KYNU: variants seen among roughly 807,000 people sequenced by gnomAD.
KYNU encodes L-kynurenine hydrolase.
Under a neutral mutation model 59.2 loss-of-function variants are expected in KYNU, and 54 were observed. The ratio of observed to expected loss-of-function variants is 0.91; its 90% confidence interval spans 0.73 to 1.14. The LOEUF (loss-of-function observed/expected upper bound fraction) is 1.14. Among genes scored for constraint, KYNU ranks in the 50% most tolerant of loss-of-function variants. The pLI, the probability that KYNU is intolerant of heterozygous loss-of-function variation, is 0.00. For synonymous variants in KYNU, 177 were observed against 192.0 expected, an observed-to-expected ratio of 0.92 and a Z score of 0.65; for missense variants, 567 against 554.4, an observed-to-expected ratio of 1.02 and a Z score of -0.23.
chr2:142,918,654 T>C lies in KYNU; in HGVS notation c.215T>C (p.Leu72Ser), dbSNP rs2104992247. The C allele has an allele frequency of 2.5e-6, 4 of 1,611,578 alleles. No homozygotes were observed. Among genetic ancestry groups the C allele is most frequent in the Non-Finnish European group, 1.7e-6 (2 of 1,178,864 alleles). Residue 72 changes from leucine (L) to serine (S), a missense_variant, in exon 3 of 14, where the codon TTG becomes TCG. Transcript: ENST00000264170. ...AAAGATGAAAATGCCATCTATTTCT[T>C]GGGAAATTCTCTTGGCCTTCAACCA... ...VNKDENAIYF[L>S]GNSLGLQPKM...
intron 8 of KYNU, among the ~76,000 whole-genome samples, chr2:142,974,294 GAGA>G (rs1553484280): frequency 6.6e-6 from 1 of 152,218 alleles, no homozygotes; most frequent in Non-Finnish European, 1.5e-5. Context: ...TGGTGCAAGA[GAGA>G]AGGAGCAGGT....
At chr2:142,985,907 ATT>A in intron 9 of KYNU, 39 bp from the exon 10 acceptor site, 1 of 1,355,816 alleles carries the variant, frequency 7.4e-7, no homozygotes, top group East Asian at 2.4e-5. Flanking sequence ...TTTGTCATAT[ATT>A]TAAGTAAACC....
At chr2:143,033,093 A>G in intron 11 of KYNU, 143 bp from the exon 12 acceptor site, 1 of 716,172 alleles carries the variant, frequency 1.4e-6, no homozygotes, top group South Asian at 1.6e-5. Flanking sequence ...TTTTAGTTCC[A>G]TGGAGCTTAT....
At chr2:142,958,909 T>C (rs904991751) in intron 7 of KYNU, among the ~76,000 whole-genome samples, 3 of 152,180 alleles carry the variant, frequency 2.0e-5, no homozygotes, top group African/African-American at 7.2e-5. Context: ...ATTAGATTGT[T>C]TTAAGAATAA....
intron 3 of KYNU, among the ~76,000 whole-genome samples, chr2:142,924,018 T>C (rs758916773): frequency 2.0e-5 from 3 of 152,194 alleles, no homozygotes; most frequent in Non-Finnish European, 4.4e-5. Context: ...TTAAAAGCAA[T>C]AGTGTTTGAA....
chr2:142,931,174 G>T (rs115789265), intron 4 of KYNU, among the ~76,000 whole-genome samples: 6 of 152,154 alleles, frequency 3.9e-5, no homozygotes, highest in Admixed American at 3.9e-4. Flanking sequence ...TTGCGCCTTC[G>T]TACTGGGCCT....
chr2:143,005,808 G>C (rs973669200), intron 10 of KYNU, among the ~76,000 whole-genome samples: 4 of 151,972 alleles, frequency 2.6e-5, no homozygotes, highest in African/African-American at 9.7e-5. Flanking sequence ...GGTAGAGAAT[G>C]ATAGATTATT....
chr2:142,933,469 C>G (rs1223823066), intron 4 of KYNU, among the ~76,000 whole-genome samples: 2 of 152,072 alleles, frequency 1.3e-5, no homozygotes, highest in East Asian at 1.9e-4. Context: ...AACCTAGAGC[C>G]TAAAACATCC....
intron 10 of KYNU, among the ~76,000 whole-genome samples, chr2:143,001,222 G>A (rs1573887337): frequency 6.6e-6 from 1 of 152,060 alleles, no homozygotes; most frequent in Non-Finnish European, 1.5e-5. Flanking sequence ...TTAAGAGTCT[G>A]CCTACCACAA....
chr2:143,032,301 ACAAAAC>A (rs1413625124), intron 11 of KYNU, among the ~76,000 whole-genome samples: 1 of 74,550 alleles, frequency 1.3e-5, no homozygotes, highest in African/African-American at 3.8e-5. Context: ...AAAAAAAAAA[ACAAAAC>A]AAAAAAAACT....
Position 142,913,390 on chromosome 2 carries a change from G to C in KYNU, c.170-5219G>C, listed in dbSNP as rs567504038. On this transcript the variant is annotated intron_variant, in intron 2 of 13. Transcript: ENST00000264170. ...TCTCAGAGATTTTGGCATGTTGGTT[G>C]TGTCTCTGTTTTCATTTATTTCAAA... Among the ~76,000 whole-genome samples the C allele has an allele frequency of 2.6e-5, 4 of 152,142 alleles. No homozygotes were observed. The East Asian group carries it at 7.7e-4, about 29-fold the overall frequency.
At chr2:142,888,491 G>A (rs1305876335) in intron 2 of KYNU, among the ~76,000 whole-genome samples, 1 of 152,106 alleles carries the variant, frequency 6.6e-6, no homozygotes, top group Non-Finnish European at 1.5e-5. Context: ...AATTTTGAAT[G>A]ATGTAAAACT....
Position 142,960,868 on chromosome 2 carries a change from T to A in KYNU, c.729+98T>A. The A allele has an allele frequency of 2.4e-6, 3 of 1,264,402 alleles. No individual in the cohort carries two copies. The African/African-American group carries it at 4.6e-5, about 19-fold the overall frequency. The allele number at this position is 1,264,402 out of a possible 1,614,324, so 78.3% of individuals were successfully genotyped here. A position where few individuals can be genotyped will look rare whatever the true frequency, so the allele number is the denominator to read the frequency against. On this transcript the variant is annotated intron_variant, in intron 8 of 13. Coordinates refer to ENST00000264170, the MANE Select transcript of KYNU (RefSeq NM_003937.3). ...CTTGTGAAGTACTTTAGCTTGTGTC[T>A]GAGTAAAACTATTTCAAAAGTTAAA...
At chr2:142,914,758 G>A (rs944387040) in intron 2 of KYNU, among the ~76,000 whole-genome samples, 1 of 152,130 alleles carries the variant, frequency 6.6e-6, no homozygotes, top group African/African-American at 2.4e-5. Context: ...CGTATAAGAT[G>A]GTGAACTTTA....
chr2:142,926,719 C>T (rs980126502), intron 3 of KYNU, among the ~76,000 whole-genome samples: 7 of 152,158 alleles, frequency 4.6e-5, no homozygotes, highest in Admixed American at 4.6e-4. Context: ...ACAGACTCGT[C>T]TATGAGTTGC....
At chr2:142,937,550 A>G (rs1181516494) in intron 4 of KYNU, among the ~76,000 whole-genome samples, 3 of 151,526 alleles carry the variant, frequency 2.0e-5, no homozygotes, top group Non-Finnish European at 4.4e-5. Flanking sequence ...AGAACAAATC[A>G]TGAGTCAGGC....
rs1687303413 is a variant in KYNU at position 143,053,559 on chromosome 2, A to G, written c.*11387A>G. The G allele has an allele frequency of 6.6e-6, 1 of 152,104 alleles. No homozygotes were observed. The highest frequency in any genetic ancestry group is 2.1e-4 in the South Asian group (1 of 4,818). The allele number at this position is 152,104 out of a possible 1,614,324, so 9.4% of individuals were successfully genotyped here. On this transcript the variant is annotated 3_prime_UTR_variant, in exon 14 of 14. Coordinates refer to ENST00000264170, the MANE Select transcript of KYNU (RefSeq NM_003937.3). ...GAGGTACCCGGTGGGAGGTAATTGA[A>G]TCATGAGGGCAGGTCTTTTCTGTGC...
intron 2 of KYNU, among the ~76,000 whole-genome samples, chr2:142,914,136 A>G (rs758635758): frequency 6.6e-6 from 1 of 152,150 alleles, no homozygotes; most frequent in Non-Finnish European, 1.5e-5. Context: ...GTTGATTTGG[A>G]GTTCCACTGA....
chr2:142,996,118 G>A (rs547326237), intron 10 of KYNU, among the ~76,000 whole-genome samples: 101 of 152,138 alleles, frequency 6.6e-4, no homozygotes, highest in African/African-American at 1.1e-3. Flanking sequence ...CCATGCAGCC[G>A]TGCCCAAATC....
Sources: allele counts gnomAD v4.1 joint callset (sites outside exome capture counted in the v4.1 genomes callset), GRCh38; gene constraint gnomAD v4.1.1; transcripts MANE v1.5; gene names NCBI Gene and HGNC (gene_info 2026-07-23, HGNC 2026-07-21).